ANKRD36: variants seen among roughly 807,000 people sequenced by gnomAD.
The protein encoded by ANKRD36 is ankyrin repeat domain 36.
ANKRD36 carries 179 observed loss-of-function variants against 278.1 expected under a neutral mutation model. The ratio of observed to expected loss-of-function variants is 0.64; its 90% CI spans 0.57 to 0.73. The LOEUF (loss-of-function observed/expected upper bound fraction) is 0.73. Ranked by LOEUF, ANKRD36 falls within the 30% of genes least tolerant of loss-of-function variation. The pLI is 0.00. For synonymous variants in ANKRD36, 320 were observed against 641.1 expected (o/e 0.50, Z 7.57); for missense variants, 1,159 against 1,956.7 (o/e 0.59, Z 7.69).
intron 6 of ANKRD36, among the ~76,000 whole-genome samples, chr2:97,131,616 CTT>C (rs377685763): frequency 6.6e-6 from 1 of 151,986 alleles, no homozygotes; most frequent in African/African-American, 2.4e-5. Flanking sequence ...CAGTTTTTGA[CTT>C]TTTGACCTGT....
intron 5 of ANKRD36, among the ~76,000 whole-genome samples, chr2:97,126,340 CA>C (rs2038642951): frequency 6.7e-6 from 1 of 148,544 alleles, no homozygotes; most frequent in Non-Finnish European, 1.5e-5. Flanking sequence ...AGTGGTAGCC[CA>C]AGCCAGATCT....
At chr2:97,192,090 AT>A (rs2058641160) in intron 36 of ANKRD36, among the ~76,000 whole-genome samples, 2 of 151,474 alleles carry the variant, frequency 1.3e-5, no homozygotes, top group African/African-American at 4.8e-5. Context: ...TGATTTCTGA[AT>A]GTAAAACTTA....
At chr2:97,200,799 G>T (rs1393906842) in intron 46 of ANKRD36, among the ~76,000 whole-genome samples, 10 of 151,880 alleles carry the variant, frequency 6.6e-5, no homozygotes, top group Non-Finnish European at 1.5e-4. Context: ...GCATAATTTT[G>T]CTTTAATTCT....
At position 97,194,764 on chromosome 2, in the gene ANKRD36, C is replaced by T; in HGVS notation, c.2478+10C>T. The stretch of plus-strand genomic sequence containing the variant: ...AAAACCAGCCTTGAAGGTAATGAAA[C>T]TCTCATTCATATTGTGAGCTAGTAA... On this transcript the variant is annotated intron_variant, in intron 39 of 75. Transcript: ENST00000420699. 3.7e-6 allele frequency: 6 copies of T among 1,603,470 alleles called. No individual in the cohort carries two copies. The East Asian group carries it at 1.3e-4, about 36-fold the overall frequency.
chr2:97,222,065 G>A (rs1355833069), intron 66 of ANKRD36, among the ~76,000 whole-genome samples: 2 of 151,626 alleles, frequency 1.3e-5, no homozygotes, highest in Non-Finnish European at 1.5e-5. Flanking sequence ...TTTTTCTCAG[G>A]TTTGTCAAAG....
chr2:97,127,003 T>C (rs535503586), intron 5 of ANKRD36, 64 bp from the exon 6 acceptor site: 4 of 566,354 alleles, frequency 7.1e-6, no homozygotes, highest in South Asian at 2.1e-5. Flanking sequence ...AATAATTTAG[T>C]ATATTTGGTA....
intron 56 of ANKRD36, 143 bp downstream of exon 56, chr2:97,210,015 G>A (rs1191605870): frequency 1.5e-6 from 2 of 1,349,670 alleles, no homozygotes; most frequent in South Asian, 3.1e-5. Flanking sequence ...ATAAGTTCTT[G>A]TGTGGTGCTG....
At chr2:97,228,110 G>A (rs1331872019) in intron 67 of ANKRD36, among the ~76,000 whole-genome samples, 1 of 152,062 alleles carries the variant, frequency 6.6e-6, no homozygotes, top group Non-Finnish European at 1.5e-5. Flanking sequence ...TTTTGGTTGT[G>A]TCTCTGCCCG....
At chr2:97,183,225 C>T (rs1055416159) in intron 26 of ANKRD36, among the ~76,000 whole-genome samples, 1 of 151,736 alleles carries the variant, frequency 6.6e-6, no homozygotes, top group African/African-American at 2.4e-5. Flanking sequence ...GTAATACACA[C>T]ATGATGCATA....
chr2:97,201,730 A>ATG (rs1326243824), intron 46 of ANKRD36, among the ~76,000 whole-genome samples: 2 of 151,920 alleles, frequency 1.3e-5, no homozygotes, highest in African/African-American at 2.4e-5. Context: ...CAACTGAAGC[A>ATG]TCATCGCAAT....
intron 38 of ANKRD36, among the ~76,000 whole-genome samples, chr2:97,193,540 A>G (rs1043300441): frequency 3.5e-5 from 5 of 142,608 alleles, no homozygotes; most frequent in African/African-American, 1.2e-4. Context: ...GAAAAGAAGA[A>G]GTCATTTATA....
intron 40 of ANKRD36, 59 bp downstream of exon 40, chr2:97,194,976 C>T (rs188267181): frequency 4.3e-5 from 66 of 1,531,136 alleles, no homozygotes; most frequent in Middle Eastern, 2.3e-4. Context: ...TTCTCTTCCC[C>T]GAATAAATCA....
At chr2:97,228,909 A>G (rs1237720106) in intron 67 of ANKRD36, among the ~76,000 whole-genome samples, 2 of 151,976 alleles carry the variant, frequency 1.3e-5, no homozygotes, top group Non-Finnish European at 1.5e-5. Context: ...GTAGTCATTC[A>G]GGAGCAGGTT....
Position 97,179,899 on chromosome 2 carries a change from C to T in ANKRD36, c.1701C>T (p.Ala567=), listed in dbSNP as rs898387018. Residue 567 remains alanine, a synonymous_variant, in exon 24 of 76, where the codon GCC becomes GCT. Coordinates refer to ENST00000420699, the MANE Select transcript of ANKRD36 (RefSeq NM_001354587.1). ...ACAAAGATTCTGTTTCAAATATAGC[C>T]ACAGAAATAAAGGAGGGACCAATAT... ...SDDKDSVSNI[A]TEIKEGPISG... is the part of the protein sequence containing the mutation. The T allele has an allele frequency of 7.5e-6, 12 of 1,605,740 alleles. No individual in the cohort carries two copies. Among genetic ancestry groups the T allele is most frequent in the Admixed American group, 3.4e-5 (2 of 59,592 alleles).
At chr2:97,120,648 G>A (rs1344629783) in intron 3 of ANKRD36, among the ~76,000 whole-genome samples, 5 of 151,820 alleles carry the variant, frequency 3.3e-5, no homozygotes, top group Admixed American at 2.6e-4. Flanking sequence ...ATGACTCTTA[G>A]TAACAATTTT....
chr2:97,132,008 T>C (rs1247023907), intron 6 of ANKRD36, among the ~76,000 whole-genome samples: 1 of 151,992 alleles, frequency 6.6e-6, no homozygotes, highest in Non-Finnish European at 1.5e-5. Context: ...TTTATATTTT[T>C]AGTAGAGTCG....
rs1383142734 is a variant in ANKRD36 at position 97,187,461 on chromosome 2, C to A, written c.2143+60C>A. The A allele has an allele frequency of 7.2e-6, 5 of 698,772 alleles. No individual in the cohort carries two copies. In the Admixed American group the frequency reaches 1.1e-4, roughly 15 times the overall value. 43.3% of individuals were successfully genotyped at this position (698,772 alleles called of 1,614,324 possible). ...ATCCAGATAGAAAAGAACTTCTCTACCCCTAATAAATCAGCGGAGGGCGGG... is the reference window on the plus strand; with the variant it reads ...ATCCAGATAGAAAAGAACTTCTCTAACCCTAATAAATCAGCGGAGGGCGGG... On this transcript the variant is annotated intron_variant, in intron 32 of 75. Coordinates refer to ENST00000420699, the MANE Select transcript of ANKRD36 (RefSeq NM_001354587.1).
At chr2:97,199,669 C>T (rs184011383) in intron 44 of ANKRD36, among the ~76,000 whole-genome samples, 218 of 151,958 alleles carry the variant, frequency 1.4e-3, no homozygotes, top group Non-Finnish European at 2.4e-3. Flanking sequence ...TATTATCCTT[C>T]GGTGCCAAGA....
intron 18 of ANKRD36, 128 bp from the exon 19 acceptor site, chr2:97,164,155 C>T (rs766530381): frequency 6.7e-7 from 1 of 1,484,658 alleles, no homozygotes; most frequent in Admixed American, 2.4e-5. Context: ...CAAAGCAACC[C>T]AAAGCCTAAT....
Sources: gnomAD v4.1 joint callset for allele counts (sites outside exome capture counted in the v4.1 genomes callset) on GRCh38, gnomAD v4.1.1 for gene constraint, MANE v1.5 for transcripts, NCBI Gene and HGNC (gene_info 2026-07-23, HGNC 2026-07-21) for gene names.